AGBL4: variants seen among roughly 807,000 people sequenced by gnomAD.
AGBL4 encodes the protein cytosolic carboxypeptidase 6.
Under a neutral mutation model 66.4 loss-of-function variants are expected in AGBL4, and 58 were observed. The ratio of observed to expected loss-of-function variants is 0.87; its 90% CI spans 0.71 to 1.09. The LOEUF (loss-of-function observed/expected upper bound fraction) is 1.09. Ranked by LOEUF, AGBL4 falls within the 50% of genes least tolerant of loss-of-function variation. The pLI is 0.00. For synonymous variants in AGBL4, 234 were observed against 222.9 expected (o/e 1.05, Z -0.44); for missense variants, 579 against 631.0 (o/e 0.92, Z 0.88).
chr1:49,317,626 G>A (rs529975942), intron 3 of AGBL4, among the ~76,000 whole-genome samples: 2 of 151,770 alleles, frequency 1.3e-5, no homozygotes, highest in South Asian at 4.1e-4. Flanking sequence ...TTCTGTTCCT[G>A]TAAATATAGA....
At chr1:49,995,433 A>G in intron 1 of AGBL4, 1 of 382,958 alleles carries the variant, frequency 2.6e-6, no homozygotes, top group Admixed American at 3.0e-5. Context: ...AATCCCCCTG[A>G]GAACACAACT....
At chr1:49,263,383 A>T (rs577644249) in intron 3 of AGBL4, among the ~76,000 whole-genome samples, 54 of 152,272 alleles carry the variant, frequency 3.5e-4, no homozygotes, top group South Asian at 1.2e-3. Flanking sequence ...AAAATAGAGT[A>T]ATCCTCACAA....
At chr1:49,133,860 A>G (rs1163015982) in intron 4 of AGBL4, among the ~76,000 whole-genome samples, 2 of 152,116 alleles carry the variant, frequency 1.3e-5, no homozygotes, top group African/African-American at 2.4e-5. Context: ...TTTCTTTCAA[A>G]TAAGTATGTA....
At chr1:49,814,734 G>C (rs1374642273) in intron 2 of AGBL4, among the ~76,000 whole-genome samples, 1 of 152,060 alleles carries the variant, frequency 6.6e-6, no homozygotes, top group Non-Finnish European at 1.5e-5. Flanking sequence ...AAGACCAACA[G>C]ATATAAAATC....
intron 4 of AGBL4, among the ~76,000 whole-genome samples, chr1:49,145,707 A>G (rs1011888674): frequency 1.3e-5 from 2 of 152,168 alleles, no homozygotes; most frequent in African/African-American, 4.8e-5. Context: ...GGTTCTTCAA[A>G]AAACTAAAAA....
rs528055391 is a variant in AGBL4, at chr1:49,285,531, A to T, written c.283-39667T>A. Among the ~76,000 whole-genome samples, 392 of 150,782 alleles carry T rather than the reference A, an allele frequency of 2.6e-3. 1 individual carries two copies. Among genetic ancestry groups the T allele is most frequent in the Middle Eastern group, 0.024 (7 of 292 alleles). ...GAAATAACTAAAATCAGCGTAGAAC[A>T]GAAGGAAATAGAGACACAAAAAACC... On this transcript the variant is annotated intron_variant, in intron 3 of 13. Transcript: ENST00000371839.
chr1:49,309,912 T>C (rs539270592), intron 3 of AGBL4, among the ~76,000 whole-genome samples: 1 of 152,216 alleles, frequency 6.6e-6, no homozygotes, highest in South Asian at 2.1e-4. Flanking sequence ...TTTTTTAAAA[T>C]GTAGAGGACA....
At chr1:48,692,371 C>A (rs1322655224) in intron 6 of AGBL4, among the ~76,000 whole-genome samples, 1 of 152,202 alleles carries the variant, frequency 6.6e-6, no homozygotes, top group Admixed American at 6.5e-5. Context: ...TGGAAGTCTG[C>A]CATGCCAGCC....
rs1226960162 is a variant in AGBL4, at chr1:49,845,976, G to A, written c.157+5420C>T. 71 of 1,577,406 alleles carry A rather than the reference G, an allele frequency of 4.5e-5. 2 individuals are homozygous for A. The highest frequency in any genetic ancestry group is 3.5e-4 in the South Asian group (32 of 90,310). ...AGCTTGTCCCTCACCAAACATCAGC[G>A]AAACCACACTGAGGAGAAGCCCTAC... On this transcript the variant is annotated intron_variant, in intron 2 of 13. Coordinates refer to ENST00000371839, the MANE Select transcript of AGBL4 (RefSeq NM_032785.4).
chr1:49,157,020 G>T (rs1259769480), intron 4 of AGBL4, among the ~76,000 whole-genome samples: 1 of 152,138 alleles, frequency 6.6e-6, no homozygotes, highest in East Asian at 1.9e-4. Flanking sequence ...TTCAAGTGGG[G>T]GTTAACTATA....
At chr1:49,750,162 A>G (rs576103646) in intron 2 of AGBL4, among the ~76,000 whole-genome samples, 1 of 152,072 alleles carries the variant, frequency 6.6e-6, no homozygotes, top group East Asian at 1.9e-4. Flanking sequence ...AAATCATAAC[A>G]TGTGTAGAAG....
intron 11 of AGBL4, among the ~76,000 whole-genome samples, chr1:48,577,757 C>A (rs2803274): frequency 0.45 from 68,205 of 151,792 alleles, 16,296 homozygotes; most frequent in Middle Eastern, 0.54. Context: ...GATTGCAAAT[C>A]GGTCAAACTA....
intron 3 of AGBL4, among the ~76,000 whole-genome samples, chr1:49,253,184 T>C (rs1444385104): frequency 6.6e-6 from 1 of 151,944 alleles, no homozygotes; most frequent in Non-Finnish European, 1.5e-5. Context: ...ATAACACACA[T>C]AGGCTCAAAA....
At chr1:49,293,893 C>T (rs997373962) in intron 3 of AGBL4, among the ~76,000 whole-genome samples, 1 of 151,914 alleles carries the variant, frequency 6.6e-6, no homozygotes, top group Non-Finnish European at 1.5e-5. Context: ...TATACCAGGG[C>T]CAACAAAAAA....
At chr1:49,937,457 CA>C (rs1654200206) in intron 1 of AGBL4, among the ~76,000 whole-genome samples, 1 of 151,954 alleles carries the variant, frequency 6.6e-6, no homozygotes, top group South Asian at 2.1e-4. Context: ...CAAGGATACC[CA>C]GGAATTGAAC....
At chr1:49,851,586 G>GT in intron 1 of AGBL4, 68 bp from the exon 2 acceptor site, 1 of 1,470,560 alleles carries the variant, frequency 6.8e-7, no homozygotes, top group Non-Finnish European at 9.2e-7. Context: ...GATTTTTACT[G>GT]TTAATTACCC....
At chr1:49,864,675 G>A (rs1473221762) in intron 1 of AGBL4, among the ~76,000 whole-genome samples, 2 of 152,142 alleles carry the variant, frequency 1.3e-5, no homozygotes, top group African/African-American at 4.8e-5. Context: ...CATGGATCAG[G>A]AGATCCCCTG....
At position 49,938,967 on chromosome 1, in the gene AGBL4, C is replaced by G. The variant is rs2148287086; in HGVS notation, c.34+84796G>C. 1.3e-5 allele frequency among the ~76,000 whole-genome samples: 2 copies of G among 152,066 alleles called. 1 individual carries two copies. Among genetic ancestry groups the G allele is most frequent in the Middle Eastern group, 6.8e-3 (2 of 294 alleles). On this transcript the variant is annotated intron_variant, in intron 1 of 13. Transcript: ENST00000371839. ...TCTAGAAAACCCCACTGGCTCAGCC[C>G]AAAATCTCCTTAAGCTGATAAGCAA...
intron 11 of AGBL4, 180 bp downstream of exon 11, chr1:48,586,824 A>G: frequency 1.3e-6 from 1 of 747,692 alleles, no homozygotes; most frequent in Admixed American, 2.8e-5. Context: ...TAGGAGTATC[A>G]TACTAAGGGC....
Sources: gnomAD v4.1 joint callset for allele counts (sites outside exome capture counted in the v4.1 genomes callset) on GRCh38, gnomAD v4.1.1 for gene constraint, MANE v1.5 for transcripts, NCBI Gene and HGNC (gene_info 2026-07-23, HGNC 2026-07-21) for gene names.